ABLIM2: variants seen among roughly 807,000 people sequenced by gnomAD.
ABLIM2 encodes the protein actin-binding LIM protein 2.
In ABLIM2, 53 loss-of-function variants were observed where a neutral mutation model predicts 97.7. The observed-to-expected ratio is 0.54, with a 90% CI of 0.44 to 0.68. The LOEUF (loss-of-function observed/expected upper bound fraction) is 0.68. ABLIM2 is among the 30% of genes least tolerant of loss of function. The pLI, the probability that ABLIM2 is intolerant of heterozygous loss-of-function variation, is 0.00. For synonymous variants in ABLIM2, 361 were observed against 345.8 expected (o/e 1.04, Z -0.49); for missense variants, 835 against 867.2 (o/e 0.96, Z 0.47).
intron 18 of ABLIM2, among the ~76,000 whole-genome samples, chr4:7,984,214 G>T (rs1301641721): frequency 6.6e-6 from 1 of 152,238 alleles, no homozygotes; most frequent in Admixed American, 6.5e-5. Context: ...CTTGCCCCGT[G>T]TGGTTCTGGA....
chr4:8,056,112 CAAAAAAA>C (rs60992903), intron 7 of ABLIM2, among the ~76,000 whole-genome samples: 55 of 68,362 alleles, frequency 8.0e-4, no homozygotes, highest in African/African-American at 3.0e-3. Context: ...GACTCTGTCT[CAAAAAAA>C]AAAAAAAAAA....
At chr4:8,137,010 C>T (rs1285925585) in intron 1 of ABLIM2, among the ~76,000 whole-genome samples, 1 of 152,218 alleles carries the variant, frequency 6.6e-6, no homozygotes, top group Non-Finnish European at 1.5e-5. Flanking sequence ...TTGTCCCCTT[C>T]CATAGGAGGA....
chr4:8,043,606 G>A lies in ABLIM2; in HGVS notation c.900+1558C>T, dbSNP rs1440378759. On this transcript the variant is annotated intron_variant, in intron 9 of 20. Transcript: ENST00000447017. The surrounding 1 kb of genome is among the most constrained non-coding windows in gnomAD (Gnocchi z 4.8). ...GGACCCGGATGCACACAGATGACCC[G>A]TGATGATGCAAGGAGAGGACGGCCG... Among the ~76,000 whole-genome samples, 3 of 152,252 alleles carry A rather than the reference G, an allele frequency of 2.0e-5. No homozygotes were observed. The highest frequency in any genetic ancestry group is 1.9e-4 in the East Asian group (1 of 5,150).
chr4:7,973,455 T>C (rs896506616), intron 20 of ABLIM2, among the ~76,000 whole-genome samples: 4 of 150,670 alleles, frequency 2.7e-5, no homozygotes, highest in Non-Finnish European at 5.9e-5. Flanking sequence ...AAGCTGAGAT[T>C]GTGCCACTGC....
intron 1 of ABLIM2, among the ~76,000 whole-genome samples, chr4:8,117,598 T>A (rs1027581097): frequency 6.6e-6 from 1 of 151,590 alleles, no homozygotes; most frequent in African/African-American, 2.4e-5. Context: ...GTGCCACCAC[T>A]GCAGCCTTCC....
At chr4:8,008,351 TA>T (rs1194897684) in intron 15 of ABLIM2, among the ~76,000 whole-genome samples, 151 bp from the exon 16 acceptor site, 1 of 152,192 alleles carries the variant, frequency 6.6e-6, no homozygotes, top group Non-Finnish European at 1.5e-5. Flanking sequence ...CAGCTTTCAA[TA>T]AAAATCTTGC....
rs912246398 is a variant in ABLIM2, at chr4:8,083,723, G to C, written c.455-2921C>G. ...CCTGTGTGACACAGGCTGTGGACTA[G>C]AGCTGTCAGCGGCAGGATGTCCCTA... On this transcript the variant is annotated intron_variant, in intron 4 of 20. Transcript: ENST00000447017. The surrounding 1 kb of genome is among the most constrained non-coding windows in gnomAD (Gnocchi z 4.6). 1.3e-5 allele frequency among the ~76,000 whole-genome samples: 2 copies of C among 152,218 alleles called. No individual in the cohort carries two copies. The highest frequency in any genetic ancestry group is 1.3e-4 in the Admixed American group (2 of 15,284).
intron 20 of ABLIM2, among the ~76,000 whole-genome samples, chr4:7,980,261 A>G (rs1046281805): frequency 6.6e-6 from 1 of 152,208 alleles, no homozygotes; most frequent in African/African-American, 2.4e-5. Flanking sequence ...GAATTCAGGC[A>G]CAACTGATAA....
chr4:7,984,731 C>A, intron 18 of ABLIM2, 108 bp downstream of exon 18: 1 of 1,274,184 alleles, frequency 7.8e-7, no homozygotes, highest in Non-Finnish European at 1.1e-6. Flanking sequence ...CCGGCACTCC[C>A]GGAGCCTTCT....
rs141926100 is a variant in ABLIM2, at chr4:8,117,235, C to T, written c.11-10598G>A. 9.1e-3 allele frequency among the ~76,000 whole-genome samples: 1,381 copies of T among 152,296 alleles called. 26 individuals carry two copies. Among genetic ancestry groups the T allele is most frequent in the African/African-American group, 0.031 (1,300 of 41,546 alleles). On this transcript the variant is annotated intron_variant, in intron 1 of 20. Coordinates refer to ENST00000447017, the MANE Select transcript of ABLIM2 (RefSeq NM_001130083.2). Reference sequence around the variant, plus strand: ...AGCTTATTGAGGTTTAGTGACCAGCCCAAAGCCACACCGTGAGGAGTGGCA... The same window carrying T: ...AGCTTATTGAGGTTTAGTGACCAGCTCAAAGCCACACCGTGAGGAGTGGCA...
At position 8,027,910 on chromosome 4, in the gene ABLIM2, G is replaced by A. The variant is rs143330229; in HGVS notation, c.1169-53C>T. 23 of 1,293,760 alleles carry A rather than the reference G, an allele frequency of 1.8e-5. No homozygotes were observed. The Admixed American group carries it at 1.8e-4, about 10-fold the overall frequency. 80.1% of individuals were successfully genotyped at this position (1,293,760 alleles called of 1,614,324 possible). On this transcript the variant is annotated intron_variant, in intron 11 of 20. Coordinates refer to ENST00000447017, the MANE Select transcript of ABLIM2 (RefSeq NM_001130083.2). ...GTCAACCTGGGCTGGCTGGTGCAAC[G>A]CCACACATATTCCTCATCCCCACTC...
In ABLIM2 at chr4:8,145,328, C is replaced by T. The variant is rs144472147; in HGVS notation, c.10+13352G>A. ...CCTCCTGAGTAGCTGGGATTACAGGCACACACCACCACGCCCAGCTAATTT... is the reference window on the plus strand; with the variant it reads ...CCTCCTGAGTAGCTGGGATTACAGGTACACACCACCACGCCCAGCTAATTT... On this transcript the variant is annotated intron_variant, in intron 1 of 20. Coordinates refer to ENST00000447017, the MANE Select transcript of ABLIM2 (RefSeq NM_001130083.2). Among the ~76,000 whole-genome samples the T allele has an allele frequency of 7.1e-3, 1,085 of 152,176 alleles. 17 individuals are homozygous for T. The highest frequency in any genetic ancestry group is 0.025 in the African/African-American group (1,035 of 41,530).
chr4:7,981,211 G>A (rs1045917125), intron 20 of ABLIM2, among the ~76,000 whole-genome samples: 2 of 151,978 alleles, frequency 1.3e-5, no homozygotes, highest in African/African-American at 2.4e-5. Context: ...CCAAAGTGCT[G>A]GGATTACAGG....
chr4:7,975,390 C>T (rs1208449647), intron 20 of ABLIM2, among the ~76,000 whole-genome samples: 1 of 152,212 alleles, frequency 6.6e-6, no homozygotes, highest in Admixed American at 6.5e-5. Flanking sequence ...CATGGGACAG[C>T]CCTCCCAGAG....
rs989277252 is a variant in ABLIM2, at chr4:8,125,704, T to C, written c.11-19067A>G. On this transcript the variant is annotated intron_variant, in intron 1 of 20. Transcript: ENST00000447017. The surrounding 1 kb of genome is among the most constrained non-coding windows in gnomAD (Gnocchi z 6.2). ...GAAGCACAGTGGGCCTGAGAAGGCA[T>C]CGCAGACTCAGCTGAGCTGGAGAGG... Among the ~76,000 whole-genome samples the C allele has an allele frequency of 2.0e-5, 3 of 152,214 alleles. No homozygotes were observed. Among genetic ancestry groups the C allele is most frequent in the Non-Finnish European group, 4.4e-5 (3 of 68,040 alleles).
chr4:8,106,674 G>A, intron 1 of ABLIM2, 37 bp from the exon 2 acceptor site: 1 of 1,569,806 alleles, frequency 6.4e-7, no homozygotes, highest in South Asian at 1.2e-5. Flanking sequence ...TTCAAGGGTG[G>A]ATGTGTGAGG....
intron 1 of ABLIM2, among the ~76,000 whole-genome samples, chr4:8,136,619 C>T (rs184008291): frequency 4.1e-4 from 62 of 152,296 alleles, no homozygotes; most frequent in African/African-American, 1.3e-3. Flanking sequence ...CCTGAGTACC[C>T]GGGACCCACC....
At chr4:7,972,994 C>T (rs1002761522) in intron 20 of ABLIM2, among the ~76,000 whole-genome samples, 2 of 151,490 alleles carry the variant, frequency 1.3e-5, no homozygotes, top group African/African-American at 4.9e-5. Context: ...TTGAGCAAAC[C>T]CTGGTGTGCA....
chr4:8,031,726 A>ATT (rs11312218), intron 10 of ABLIM2, among the ~76,000 whole-genome samples: 33 of 139,940 alleles, frequency 2.4e-4, no homozygotes, highest in African/African-American at 4.0e-4. Flanking sequence ...ATAAATATAC[A>ATT]TTTTTTTTTT....
Sources: gnomAD v4.1 joint callset for allele counts (sites outside exome capture counted in the v4.1 genomes callset) on GRCh38, gnomAD v4.1.1 for gene constraint, Gnocchi (gnomAD v3.1) non-coding constraint, MANE v1.5 for transcripts, NCBI Gene and HGNC (gene_info 2026-07-23, HGNC 2026-07-21) for gene names.